The following BLTP1 variants were observed in gnomAD, a reference collection of about 807,000 sequenced individuals.
BLTP1 encodes the protein fragile site-associated protein.
At chr4:122,192,177 T>G in the BLTP1 span, 21 of 1,581,752 alleles carry the variant, frequency 1.3e-5, no homozygotes, top group Non-Finnish European at 1.8e-5. Flanking sequence ...AAGGAAACTT[T>G]TTAATGGCCA....
chr4:122,238,206 C>G, the BLTP1 span: 1 of 1,613,838 alleles, frequency 6.2e-7, no homozygotes, highest in African/African-American at 1.3e-5. Context: ...CATAGTTCAT[C>G]CTCTTCCTCA....
At chr4:122,237,390 A>T in the BLTP1 span, 1 of 981,452 alleles carries the variant, frequency 1.0e-6, no homozygotes, top group Non-Finnish European at 1.2e-6. Context: ...GTTCATTCAT[A>T]AAATCATGTA....
the BLTP1 span, chr4:122,154,286 C>T: frequency 1.7e-5 from 17 of 973,738 alleles, no homozygotes; most frequent in Non-Finnish European, 2.1e-5. Context: ...CGCCATTCTC[C>T]TGCCTCAGCC....
At chr4:122,219,528 A>G in the BLTP1 span, 39 of 1,613,856 alleles carry the variant, frequency 2.4e-5, no homozygotes, top group Non-Finnish European at 3.3e-5. Context: ...ATATTACTGT[A>G]CTTGTTAATT....
chr4:122,231,628 C>T, the BLTP1 span: 1 of 954,734 alleles, frequency 1.0e-6, no homozygotes, highest in Non-Finnish European at 1.2e-6. Flanking sequence ...TTGAGAAAGC[C>T]ATTCTTTTGC....
chr4:122,244,961 A>G, the BLTP1 span: 1 of 1,574,856 alleles, frequency 6.3e-7, no homozygotes, highest in South Asian at 1.1e-5. Flanking sequence ...ATGTTTACAT[A>G]AACTAAGTTG....
At chr4:122,350,440 T>C in the BLTP1 span, 62,386 of 961,974 alleles carry the variant, frequency 0.065, 2,214 homozygotes, top group Middle Eastern at 0.074. Context: ...AGCAATTCAA[T>C]TGGCAAATAT....
At chr4:122,258,949 C>G in the BLTP1 span, 115 of 620,284 alleles carry the variant, frequency 1.9e-4, no homozygotes, top group Non-Finnish European at 2.9e-4. Flanking sequence ...ATTCAGATAG[C>G]ATTTTCGTGT....
At chr4:122,242,482 A>G in the BLTP1 span, among the ~76,000 whole-genome samples, 4,310 of 152,240 alleles carry the variant, frequency 0.028, 137 homozygotes, top group African/African-American at 0.08. Flanking sequence ...GGGGGGAAAA[A>G]AGTAACCTGG....
At chr4:122,360,614 G>A in the BLTP1 span, among the ~76,000 whole-genome samples, 6 of 152,102 alleles carry the variant, frequency 3.9e-5, no homozygotes, top group African/African-American at 1.4e-4. Flanking sequence ...TATGCAGTGA[G>A]GACTCTTGTA....
the BLTP1 span, chr4:122,288,982 A>G: frequency 8.0e-7 from 1 of 1,256,916 alleles, no homozygotes; most frequent in East Asian, 2.6e-5. Flanking sequence ...TTCAAATCAT[A>G]TAGAGATAAT....
chr4:122,259,632 C>T, the BLTP1 span, among the ~76,000 whole-genome samples: 14 of 152,052 alleles, frequency 9.2e-5, no homozygotes, highest in Non-Finnish European at 8.8e-5. Context: ...GAGGCCAAGG[C>T]GGGTGGATCA....
At chr4:122,266,636 A>C in the BLTP1 span, 1 of 550,578 alleles carries the variant, frequency 1.8e-6, no homozygotes. Flanking sequence ...AGAGTCAATT[A>C]TATGAGACCA....
At chr4:122,305,281 CTA>C in the BLTP1 span, 87 of 973,874 alleles carry the variant, frequency 8.9e-5, 1 homozygote, top group East Asian at 9.4e-3. Context: ...AAGTCTTGTG[CTA>C]ACATTACTCA....
At chr4:122,346,664 C>T in the BLTP1 span, 5 of 1,613,190 alleles carry the variant, frequency 3.1e-6, no homozygotes, top group South Asian at 2.2e-5. Context: ...ATATGATATG[C>T]GCCGACTCAG....
the BLTP1 span, chr4:122,298,856 G>T: frequency 1.0e-6 from 1 of 985,020 alleles, no homozygotes; most frequent in African/African-American, 1.7e-5. Context: ...AACTGGGACT[G>T]AAAGACACAT....
At chr4:122,277,200 G>C in the BLTP1 span, 1 of 473,328 alleles carries the variant, frequency 2.1e-6, no homozygotes, top group South Asian at 9.0e-5. Context: ...AGTTAGCTGG[G>C]CATGGTGGCA....
chr4:122,361,909 TACC>T, the BLTP1 span: 2 of 1,092,282 alleles, frequency 1.8e-6, no homozygotes, highest in Admixed American at 5.8e-5. Flanking sequence ...TATACAAATG[TACC>T]TACTGAAAAT....
At chr4:122,306,702 A>C in the BLTP1 span, 1 of 938,832 alleles carries the variant, frequency 1.1e-6, no homozygotes, top group African/African-American at 1.8e-5. Context: ...TTAAACACAT[A>C]AGTCTAAGAA....
Sources: gnomAD v4.1 joint callset for allele counts (sites outside exome capture counted in the v4.1 genomes callset) on GRCh38, gnomAD v4.1.1 for gene constraint, MANE v1.5 for transcripts, NCBI Gene and HGNC (gene_info 2026-07-23, HGNC 2026-07-21) for gene names.